Variants in RASSF7 observed in about 807,000 individuals in gnomAD.
The protein encoded by RASSF7 is Ras association domain family member 7.
Under a neutral mutation model 33.8 loss-of-function variants are expected in RASSF7, and 41 were observed. The observed-to-expected ratio is 1.21, with a 90% CI of 0.95 to 1.57. The LOEUF (loss-of-function observed/expected upper bound fraction) is 1.57, where lower values mean the gene tolerates loss of function less well. Ranked by LOEUF, RASSF7 falls within the 40% of genes most tolerant of loss-of-function variation. The probability of loss-of-function intolerance (pLI) is 0.00; values close to 1 mark genes in which losing one functional copy is unlikely to be tolerated. For synonymous variants in RASSF7, 298 were observed against 212.8 expected (o/e 1.40, Z -3.48); for missense variants, 622 against 497.0 (o/e 1.25, Z -2.39).
chr11:561,824 G>C lies in RASSF7; in HGVS notation c.56G>C (p.Arg19Pro). The C allele has an allele frequency of 1.2e-6, 2 of 1,613,468 alleles. No individual in the cohort carries two copies. The highest frequency in any genetic ancestry group is 1.7e-6 in the Non-Finnish European group (2 of 1,180,016). ...ELKVWVDGIQ[R>P]VVCGVSEQTT... ...AAGGTGTGGGTGGATGGCATCCAGC[G>C]TGTGGTCTGTGGGGTCTCAGAGCAG... Residue 19 changes from arginine to proline, a missense_variant, in exon 2 of 6, where the codon CGT becomes CCT. Coordinates refer to ENST00000397583, the MANE Select transcript of RASSF7 (RefSeq NM_003475.4).
chr11:563,263 C>G lies in RASSF7; in HGVS notation c.897C>G (p.Thr299=), dbSNP rs774416981. 6.2e-7 allele frequency: 1 copy of G among 1,611,290 alleles called. No homozygotes were observed. The highest frequency in any genetic ancestry group is 1.3e-5 in the African/African-American group (1 of 75,028). Residue 299 remains threonine (T), a synonymous_variant, in exon 4 of 6, where the codon ACC becomes ACG. Transcript: ENST00000397583. ...ACCTGCAGCAGTTCATCCAGCAGAC[C>G]GGGGCTGCGCTGCCACCGCCCCCAC... ...QCNLQQFIQQ[T]GAALPPPPRP...
rs1853271215 is a variant in RASSF7, at chr11:561,100, T to C, written c.-385T>C. 2.0e-6 allele frequency: 2 copies of C among 985,682 alleles called. No homozygotes were observed. The highest frequency in any genetic ancestry group is 6.2e-5 in the Admixed American group (1 of 16,230). 61.1% of individuals were successfully genotyped at this position (985,682 alleles called of 1,614,324 possible). ...CGCCTCGAGCCGGCCGGACGCCGAC[T>C]CCAACTGGGGAGAGTTTTCCGCGAT... On this transcript the variant is annotated 5_prime_UTR_variant, in exon 1 of 6. Coordinates refer to ENST00000397583, the MANE Select transcript of RASSF7 (RefSeq NM_003475.4).
Position 561,452 on chromosome 11 carries a change from G to A in RASSF7, c.-33G>A. On this transcript the variant is annotated 5_prime_UTR_variant, in exon 1 of 6. Coordinates refer to ENST00000397583, the MANE Select transcript of RASSF7 (RefSeq NM_003475.4). ...GTGCGGGCGCCTCCGCGCCGCCCGG[G>A]GAGGGGGCAGTGTCCTCCGAGCCAG... The A allele has an allele frequency of 8.4e-7, 1 of 1,191,822 alleles. No homozygotes were observed. The highest frequency in any genetic ancestry group is 2.3e-5 in the South Asian group (1 of 43,368). The allele number at this position is 1,191,822 out of a possible 1,614,324, so 73.8% of individuals were successfully genotyped here.
intron 1 of RASSF7, 78 bp downstream of exon 1, chr11:561,555 G>A: frequency 7.1e-7 from 1 of 1,403,068 alleles, no homozygotes. Context: ...AGAGGAAGCT[G>A]GTGAAGTGGG....
Position 563,886 on chromosome 11 carries a change from C to T in RASSF7, c.*241C>T. 1 of 580,034 alleles carries T rather than the reference C, an allele frequency of 1.7e-6. No homozygotes were observed. The highest frequency in any genetic ancestry group is 3.1e-6 in the Non-Finnish European group (1 of 326,806). 35.9% of individuals were successfully genotyped at this position (580,034 alleles called of 1,614,324 possible). On this transcript the variant is annotated 3_prime_UTR_variant, in exon 6 of 6. Coordinates refer to ENST00000397583, the MANE Select transcript of RASSF7 (RefSeq NM_003475.4). ...GACTGCCTGTTGGGGACAGGAGATG[C>T]ATGGACAGTGTGCTCAAGCTGTGGG...
chr11:561,570 G>A (rs1564822602), intron 1 of RASSF7, 93 bp downstream of exon 1: 13 of 1,396,488 alleles, frequency 9.3e-6, no homozygotes, highest in South Asian at 4.5e-5. Flanking sequence ...AGTGGGGGAG[G>A]ATGCGTGCTC....
In RASSF7 at chr11:562,705, C is replaced by T. The variant is rs1273480347; in HGVS notation, c.751C>T (p.Gln251Ter). Reference protein sequence around the residue: ...LHQDLAVQERQSAEVQGSLAL... With the variant: ...LHQDLAVQER ...CCAGGACCTGGCTGTTCAGGAGCGG[C>T]AGAGTGCGGAGGTGCAGGGCAGCCT... Residue 251 changes from glutamine to a stop codon, truncating the protein, a stop_gained, in exon 3 of 6, where the codon CAG becomes TAG. Coordinates refer to ENST00000397583, the MANE Select transcript of RASSF7 (RefSeq NM_003475.4). LOFTEE classifies it high-confidence loss of function. 6 of 1,542,540 alleles carry T rather than the reference C, an allele frequency of 3.9e-6. No homozygotes were observed. The highest frequency in any genetic ancestry group is 4.4e-6 in the Non-Finnish European group (5 of 1,146,684).
chr11:562,822 T>C, intron 3 of RASSF7, 46 bp downstream of exon 3: 14 of 1,383,618 alleles, frequency 1.0e-5, no homozygotes, highest in Non-Finnish European at 1.3e-5. Context: ...ACCCCTGATA[T>C]GGGCAGATAC....
At chr11:563,143 G>A (rs370110855) in intron 3 of RASSF7, 46 bp from the exon 4 acceptor site, 9 of 1,510,392 alleles carry the variant, frequency 6.0e-6, no homozygotes, top group Admixed American at 2.0e-5. Context: ...CACAAGGGCT[G>A]TGGAGCCCAG....
chr11:561,333 G>A lies in RASSF7; in HGVS notation c.-152G>A. 1.0e-6 allele frequency: 1 copy of A among 1,002,940 alleles called. No homozygotes were observed. The highest frequency in any genetic ancestry group is 1.2e-6 in the Non-Finnish European group (1 of 841,812). 62.1% of individuals were successfully genotyped at this position (1,002,940 alleles called of 1,614,324 possible). ...CTCAGACCCGGAGTCTGCTCCATCT[G>A]CAGGGTCGAGGTCTGGGTTGCGACC... is the stretch of plus-strand genomic sequence containing the variant. On this transcript the variant is annotated 5_prime_UTR_variant, in exon 1 of 6. Transcript: ENST00000397583.
rs369226507 is a variant in RASSF7 at position 562,169 on chromosome 11, C to T, written c.215C>T (p.Thr72Ile). 3.2e-6 allele frequency: 5 copies of T among 1,580,666 alleles called. No individual in the cohort carries two copies. Among genetic ancestry groups the T allele is most frequent in the Non-Finnish European group, 3.4e-6 (4 of 1,162,212 alleles). Residue 72 changes from threonine to isoleucine, a missense_variant, in exon 3 of 6, where the codon ACC becomes ATC. By Grantham distance (89) the Thr-to-Ile change is moderately conservative. Transcript: ENST00000397583. ...GAGTGTCCAGTGGGCGCCCAGGCCA[C>T]CTGCGGACAGTTTGCCAGCGATGTC... ...PQECPVGAQA[T>I]CGQFASDVQF... is the part of the protein sequence containing the mutation.
Position 563,631 on chromosome 11 carries a change from C to T in RASSF7, c.1108C>T (p.Pro370Ser). 1.2e-6 allele frequency: 2 copies of T among 1,610,516 alleles called. No individual in the cohort carries two copies. The highest frequency in any genetic ancestry group is 1.1e-5 in the South Asian group (1 of 90,992). The change falls in exon 6 of 6, where the codon CCC (proline) becomes TCC (serine). Residue 370 changes from proline (P) to serine (S), a missense_variant. Transcript: ENST00000397583. ...AGAGTGGTGTCCTCTGGCAGCCCAG[C>T]CCCAGGCTCTGTGACAGCCTAGTGA... ...APEWCPLAAQ[P>S]QAL
At position 563,604 on chromosome 11, in the gene RASSF7, C is replaced by T. The variant is rs868105507; in HGVS notation, c.1081C>T (p.Pro361Ser). The change falls in exon 6 of 6, where the codon CCA becomes TCA. Residue 361 changes from proline (P) to serine (S), a missense_variant. Physicochemically the swap from Pro to Ser is moderately conservative, Grantham distance 74. Transcript: ENST00000397583. ...CCTGGAGGTAGCAGCAGCTCCTGCC[C>T]CAGAGTGGTGTCCTCTGGCAGCCCA... The part of the protein sequence containing the change: ...ELLEVAAAPA[P>S]EWCPLAAQPQ... The T allele has an allele frequency of 6.2e-7, 1 of 1,611,798 alleles. No individual in the cohort carries two copies. The highest frequency in any genetic ancestry group is 1.7e-5 in the Admixed American group (1 of 59,968).
chr11:561,051 C>G lies in RASSF7; in HGVS notation c.-434C>G, dbSNP rs955629755. 1 of 994,038 alleles carries G rather than the reference C, an allele frequency of 1.0e-6. No individual in the cohort carries two copies. The highest frequency in any genetic ancestry group is 1.2e-6 in the Non-Finnish European group (1 of 836,282). The allele number at this position is 994,038 out of a possible 1,614,324, so 61.6% of individuals were successfully genotyped here. A position where few individuals can be genotyped will look rare whatever the true frequency, so the allele number is the denominator to read the frequency against. The stretch of plus-strand genomic sequence containing the variant: ...GCGCCCAGGTGAGCCGCGCCGGGTC[C>G]CCGGTACTTGGGAGCGCGGGGCGCG... On this transcript the variant is annotated 5_prime_UTR_variant, in exon 1 of 6. Transcript: ENST00000397583.
At chr11:563,100 A>G (rs1428026008) in intron 3 of RASSF7, 89 bp from the exon 4 acceptor site, 5 of 1,314,476 alleles carry the variant, frequency 3.8e-6, no homozygotes, top group East Asian at 2.3e-5. Context: ...TGGGGGTCAC[A>G]GGGCCCGACC....
rs201373170 is a variant in RASSF7, at chr11:563,149, C to T, written c.823-40C>T. ...CCTCCGGAGCACAAGGGCTGTGGAGCCCAGTGGCTGTGCCTCCTAAGGATC... is the reference window on the plus strand; with the variant it reads ...CCTCCGGAGCACAAGGGCTGTGGAGTCCAGTGGCTGTGCCTCCTAAGGATC... On this transcript the variant is annotated intron_variant, in intron 3 of 5. Coordinates refer to ENST00000397583, the MANE Select transcript of RASSF7 (RefSeq NM_003475.4). 4.4e-3 allele frequency: 6,765 copies of T among 1,522,306 alleles called. 22 individuals are homozygous for T. Among genetic ancestry groups the T allele is most frequent in the Non-Finnish European group, 5.3e-3 (5,958 of 1,126,742 alleles). The allele number at this position is 1,522,306 out of a possible 1,614,324, so 94.3% of individuals were successfully genotyped here.
rs1030018519 is a variant in RASSF7 at position 561,027 on chromosome 11, C to T, written c.-458C>T. The stretch of plus-strand genomic sequence containing the variant: ...CGGAGCGGGTCTCCAGGCTGGCGAG[C>T]GCCCAGGTGAGCCGCGCCGGGTCCC... On this transcript the variant is annotated 5_prime_UTR_variant, in exon 1 of 6. Transcript: ENST00000397583. 256 of 1,007,222 alleles carry T rather than the reference C, an allele frequency of 2.5e-4. 1 individual carries two copies. The highest frequency in any genetic ancestry group is 9.8e-4 in the Middle Eastern group (2 of 2,034). The allele number at this position is 1,007,222 out of a possible 1,614,324, so 62.4% of individuals were successfully genotyped here.
chr11:561,893 G>A lies in RASSF7; in HGVS notation c.124+1G>A, dbSNP rs368617755. 193 of 1,613,356 alleles carry A rather than the reference G, an allele frequency of 1.2e-4. No homozygotes were observed. The highest frequency in any genetic ancestry group is 1.4e-4 in the Non-Finnish European group (171 of 1,179,962). ...GTCATCGCACTAGCCCAAGCAATAG[G>A]TGAGTCCTCTCGGGGTCAGGCAGGC... On this transcript the variant is annotated splice_donor_variant, in intron 2 of 5. Transcript: ENST00000397583. LOFTEE classifies it high-confidence loss of function.
chr11:562,955 C>T (rs1202885395), intron 3 of RASSF7, among the ~76,000 whole-genome samples, 179 bp downstream of exon 3: 1 of 151,036 alleles, frequency 6.6e-6, no homozygotes, highest in African/African-American at 2.4e-5. Context: ...GCAGGTGAGC[C>T]CGCGGACCTG....
Sources: gnomAD v4.1 joint callset for allele counts (sites outside exome capture counted in the v4.1 genomes callset) on GRCh38, gnomAD v4.1.1 for gene constraint, MANE v1.5 for transcripts, NCBI Gene and HGNC (gene_info 2026-07-23, HGNC 2026-07-21) for gene names.